Variants in TGFBR1 observed in about 807,000 individuals in gnomAD.
The protein encoded by TGFBR1 is transforming growth factor beta receptor 1.
In TGFBR1, 20 loss-of-function variants were observed where a neutral mutation model predicts 55.1. The observed-to-expected ratio is 0.36, with a 90% CI of 0.26 to 0.53. The LOEUF is 0.53. TGFBR1 is among the 20% of genes least tolerant of loss of function. The probability of loss-of-function intolerance (pLI) is 0.91; values close to 1 mark genes in which losing one functional copy is unlikely to be tolerated. For missense variants in TGFBR1, 385 were observed against 617.6 expected (o/e 0.62, Z 3.99); for synonymous variants, 220 against 214.8 (o/e 1.02, Z -0.21).
intron 1 of TGFBR1, among the ~76,000 whole-genome samples, chr9:99,123,814 C>G (rs759358711): frequency 4.6e-5 from 7 of 152,050 alleles, no homozygotes; most frequent in Non-Finnish European, 1.0e-4. Context: ...CTTTGGTGGC[C>G]TACGAATAAA....
chr9:99,105,874 C>T (rs915706194), intron 1 of TGFBR1, among the ~76,000 whole-genome samples: 2 of 152,204 alleles, frequency 1.3e-5, no homozygotes, highest in African/African-American at 2.4e-5. Context: ...GTGGTGAGAC[C>T]CCTGGGTCCG....
chr9:99,107,679 C>G (rs10760669), intron 1 of TGFBR1, among the ~76,000 whole-genome samples: 31,383 of 152,114 alleles, frequency 0.21, 3,465 homozygotes, highest in East Asian at 0.43. Context: ...CAGCCTTCCC[C>G]GTGAAGGTTT....
intron 3 of TGFBR1, among the ~76,000 whole-genome samples, chr9:99,134,531 T>C (rs1394567270): frequency 6.6e-6 from 1 of 152,116 alleles, no homozygotes; most frequent in Non-Finnish European, 1.5e-5. Flanking sequence ...CTGGAAGTCA[T>C]CCTGCTCAAA....
intron 3 of TGFBR1, 136 bp from the exon 4 acceptor site, chr9:99,137,723 A>G: frequency 3.0e-6 from 2 of 669,762 alleles, no homozygotes; most frequent in Non-Finnish European, 5.3e-6. Flanking sequence ...CAAATATAAT[A>G]TCTCCCCAGT....
Position 99,144,742 on chromosome 9 carries a change from C to T in TGFBR1, c.984C>T (p.Ala328=). 1 of 1,613,736 alleles carries T rather than the reference C, an allele frequency of 6.2e-7. No homozygotes were observed. The highest frequency in any genetic ancestry group is 8.5e-7 in the Non-Finnish European group (1 of 1,179,858). The change falls in exon 6 of 9, where the codon GCC becomes GCT. Residue 328 remains alanine, a synonymous_variant. Transcript: ENST00000374994. ...TTTTTGATTCTTTAGGAAAGCCAGC[C>T]ATTGCTCATAGAGATTTGAAATCAA... ...MEIVGTQGKP[A]IAHRDLKSKN...
chr9:99,136,293 G>A (rs149576694), intron 3 of TGFBR1, among the ~76,000 whole-genome samples: 1 of 152,198 alleles, frequency 6.6e-6, no homozygotes, highest in Non-Finnish European at 1.5e-5. Flanking sequence ...ACCTTTCCTC[G>A]TCCTGTTGGC....
At chr9:99,106,999 A>G (rs6478973) in intron 1 of TGFBR1, among the ~76,000 whole-genome samples, 34,192 of 152,076 alleles carry the variant, frequency 0.22, 4,032 homozygotes, top group East Asian at 0.43. Flanking sequence ...CCACACCGCT[A>G]TTAACTTGAA....
intron 1 of TGFBR1, among the ~76,000 whole-genome samples, chr9:99,127,050 G>C (rs1827062396): frequency 6.6e-6 from 1 of 152,090 alleles, no homozygotes; most frequent in Admixed American, 6.6e-5. Flanking sequence ...CCTCAGACTT[G>C]GTTTGCTAGA....
At chr9:99,133,545 TTGG>T (rs1827317012) in intron 3 of TGFBR1, among the ~76,000 whole-genome samples, 1 of 152,204 alleles carries the variant, frequency 6.6e-6, no homozygotes, top group Non-Finnish European at 1.5e-5. Context: ...AATTTGACAC[TTGG>T]TGAAGAATAA....
intron 1 of TGFBR1, among the ~76,000 whole-genome samples, chr9:99,108,468 G>A (rs778687875): frequency 6.6e-6 from 1 of 152,226 alleles, no homozygotes; most frequent in East Asian, 1.9e-4. Flanking sequence ...TGTAGTGCCA[G>A]TTGTTAAATA....
At chr9:99,126,856 T>C (rs767987765) in intron 1 of TGFBR1, among the ~76,000 whole-genome samples, 8 of 152,214 alleles carry the variant, frequency 5.3e-5, no homozygotes, top group Non-Finnish European at 1.0e-4. Flanking sequence ...AGGAAGCAAA[T>C]AGCTGACCTG....
chr9:99,111,618 A>C (rs748475625), intron 1 of TGFBR1, among the ~76,000 whole-genome samples: 13 of 152,152 alleles, frequency 8.5e-5, no homozygotes, highest in Non-Finnish European at 1.8e-4. Context: ...GACAGAGTGA[A>C]ACTCCATCTC....
rs750500147 is a variant in TGFBR1 at position 99,132,501 on chromosome 9, T to C, written c.344-8T>C. The C allele has an allele frequency of 1.2e-6, 2 of 1,613,624 alleles. No individual in the cohort carries two copies. The highest frequency in any genetic ancestry group is 2.2e-5 in the South Asian group (2 of 91,082). On this transcript the variant is annotated splice_region_variant and splice_polypyrimidine_tract_variant and intron_variant, in intron 2 of 8. Transcript: ENST00000374994. ...TTGATGTTTATTTCACTCGAGGCCC[T>C]TTTTCAGTAAAGTCATCACCTGGCC... is the stretch of plus-strand genomic sequence containing the variant.
chr9:99,109,938 C>T (rs1334577370), intron 1 of TGFBR1, among the ~76,000 whole-genome samples: 1 of 152,146 alleles, frequency 6.6e-6, no homozygotes, highest in African/African-American at 2.4e-5. Context: ...ACATTTAATG[C>T]CATTCTTAGC....
At chr9:99,148,262 A>G (rs1041027798) in intron 8 of TGFBR1, among the ~76,000 whole-genome samples, 5 of 152,218 alleles carry the variant, frequency 3.3e-5, no homozygotes, top group African/African-American at 1.2e-4. Context: ...CGTTTTATTC[A>G]TCTGATTGCC....
intron 1 of TGFBR1, among the ~76,000 whole-genome samples, chr9:99,122,334 A>T (rs1406458805): frequency 6.6e-6 from 1 of 152,144 alleles, no homozygotes; most frequent in Non-Finnish European, 1.5e-5. Context: ...ATATATTAAT[A>T]CTATACACAA....
At chr9:99,130,140 A>G (rs1487456170) in intron 2 of TGFBR1, among the ~76,000 whole-genome samples, 5 of 152,190 alleles carry the variant, frequency 3.3e-5, no homozygotes, top group Admixed American at 6.5e-5. Context: ...AACTTCTGCA[A>G]TTTACAGTAC....
Position 99,150,914 on chromosome 9 carries a change from C to G in TGFBR1, c.*1609C>G, listed in dbSNP as rs1827963060. On this transcript the variant is annotated 3_prime_UTR_variant, in exon 9 of 9. Coordinates refer to ENST00000374994, the MANE Select transcript of TGFBR1 (RefSeq NM_004612.4). ...CAGGGCTTTTACAGTTTTCGAAGTCCTTTTATCACTGTGATCTTATTCTGA... is the reference window on the plus strand; with the variant it reads ...CAGGGCTTTTACAGTTTTCGAAGTCGTTTTATCACTGTGATCTTATTCTGA... 1 of 223,206 alleles carries G rather than the reference C, an allele frequency of 4.5e-6. No homozygotes were observed. The highest frequency in any genetic ancestry group is 9.0e-6 in the Non-Finnish European group (1 of 111,488). The allele number at this position is 223,206 out of a possible 1,614,324, so 13.8% of individuals were successfully genotyped here.
rs776182034 is a variant in TGFBR1, at chr9:99,144,929, A to G, written c.1130+41A>G. On this transcript the variant is annotated intron_variant, in intron 6 of 8. Coordinates refer to ENST00000374994, the MANE Select transcript of TGFBR1 (RefSeq NM_004612.4). ...ACTATATTTAATATCTTCTGAAATC[A>G]CCTTTTTTCCCTTCTCTTTCATATA... The G allele has an allele frequency of 2.5e-6, 4 of 1,605,788 alleles. No homozygotes were observed. The African/African-American group carries it at 5.4e-5, about 21-fold the overall frequency.
Sources: gnomAD v4.1 joint callset for allele counts (sites outside exome capture counted in the v4.1 genomes callset) on GRCh38, gnomAD v4.1.1 for gene constraint, MANE v1.5 for transcripts, NCBI Gene and HGNC (gene_info 2026-07-23, HGNC 2026-07-21) for gene names.